The following MNT variants were observed in gnomAD, a reference collection of about 807,000 sequenced individuals.
MNT encodes max-binding protein MNT.
A neutral mutation model predicts 40.7 loss-of-function variants in MNT; 13 were observed. The ratio of observed to expected loss-of-function variants is 0.32; its 90% confidence interval spans 0.21 to 0.51. The LOEUF (loss-of-function observed/expected upper bound fraction) is 0.51. MNT is among the 20% of genes least tolerant of loss of function. MNT has a pLI of 0.98. For synonymous variants in MNT, 426 were observed against 354.8 expected (o/e 1.20, Z -2.26); for missense variants, 757 against 792.0 (o/e 0.96, Z 0.53).
Position 2,386,999 on chromosome 17 carries a change from C to T in MNT, c.1651G>A (p.Val551Met), listed in dbSNP as rs1242318762. The change falls in exon 6 of 6, where the codon GTG (valine) becomes ATG (methionine). Residue 551 changes from valine (V) to methionine (M), a missense_variant. By Grantham distance (21) the Val-to-Met change is conservative. Coordinates refer to ENST00000174618, the MANE Select transcript of MNT (RefSeq NM_020310.3). ...CCCACCAGCTGGGGGTGGTGCACCACCTGAGCCCCCACGGCCGGCTTTGCC... is the reference window on the plus strand; with the variant it reads ...CCCACCAGCTGGGGGTGGTGCACCATCTGAGCCCCCACGGCCGGCTTTGCC... The part of the protein sequence containing the change: ...VMAKPAVGAQ[V>M]VHHPQLVGQT... The T allele has an allele frequency of 2.0e-6, 3 of 1,532,966 alleles. No individual in the cohort carries two copies. The highest frequency in any genetic ancestry group is 3.9e-5 in the Admixed American group (2 of 50,768). 95.0% of individuals were successfully genotyped at this position (1,532,966 alleles called of 1,614,324 possible). A position where few individuals can be genotyped will look rare whatever the true frequency, so the allele number is the denominator to read the frequency against.
intron 1 of MNT, among the ~76,000 whole-genome samples, chr17:2,397,035 G>A (rs1220562117): frequency 6.6e-6 from 1 of 152,212 alleles, no homozygotes; most frequent in East Asian, 1.9e-4. Flanking sequence ...TCCTGCAGAG[G>A]GAAGAGGCCG....
Position 2,384,336 on chromosome 17 carries a change from G to A in MNT, c.*2565C>T, listed in dbSNP as rs1482636591. The A allele has an allele frequency of 1.3e-5, 2 of 152,086 alleles. No homozygotes were observed. The highest frequency in any genetic ancestry group is 4.9e-5 in the African/African-American group (2 of 41,208). The allele number at this position is 152,086 out of a possible 1,614,324, so 9.4% of individuals were successfully genotyped here. On this transcript the variant is annotated 3_prime_UTR_variant, in exon 6 of 6. Coordinates refer to ENST00000174618, the MANE Select transcript of MNT (RefSeq NM_020310.3). ...TTATATTTCAGGAAACAGAGACACA[G>A]TGGCCGAGTCCTCACTGTAAACAAG...
chr17:2,394,415 C>A (rs984659600), intron 2 of MNT, 69 bp from the exon 3 acceptor site: 5 of 1,606,026 alleles, frequency 3.1e-6, no homozygotes, highest in Middle Eastern at 1.7e-4. Flanking sequence ...ACCAGCGCCG[C>A]CACCCGCAAA....
At position 2,386,309 on chromosome 17, in the gene MNT, C is replaced by G. The variant is rs1478746627; in HGVS notation, c.*592G>C. The G allele has an allele frequency of 1.3e-5, 2 of 152,374 alleles. No homozygotes were observed. Among genetic ancestry groups the G allele is most frequent in the Non-Finnish European group, 2.9e-5 (2 of 68,218 alleles). The allele number at this position is 152,374 out of a possible 1,614,324, so 9.4% of individuals were successfully genotyped here. On this transcript the variant is annotated 3_prime_UTR_variant, in exon 6 of 6. Transcript: ENST00000174618. Reference sequence around the variant, plus strand: ...AGTGACTGCAACCGGGTCAGAGAGCCCCAGGCTGAGGCCCCACCTGTCCGG... The same window carrying G: ...AGTGACTGCAACCGGGTCAGAGAGCGCCAGGCTGAGGCCCCACCTGTCCGG...
intron 1 of MNT, among the ~76,000 whole-genome samples, chr17:2,395,662 A>T (rs1025305100): frequency 6.6e-5 from 10 of 152,150 alleles, no homozygotes; most frequent in African/African-American, 2.4e-4. Flanking sequence ...GTTCCCCGCC[A>T]CCAGGGAATA....
chr17:2,393,737 G>A lies in MNT; in HGVS notation c.807+306C>T, dbSNP rs2066546534. 3 of 163,688 alleles carry A rather than the reference G, an allele frequency of 1.8e-5. No homozygotes were observed. The East Asian group carries it at 5.2e-4, about 29-fold the overall frequency. 10.1% of individuals were successfully genotyped at this position (163,688 alleles called of 1,614,324 possible). A position where few individuals can be genotyped will look rare whatever the true frequency, so the allele number is the denominator to read the frequency against. ...CGCGGCTGCACCAACACGCGCGAACGGGAGCCGCCATCGGGACTCGCACCA... is the reference window on the plus strand; with the variant it reads ...CGCGGCTGCACCAACACGCGCGAACAGGAGCCGCCATCGGGACTCGCACCA... On this transcript the variant is annotated intron_variant, in intron 4 of 5. Coordinates refer to ENST00000174618, the MANE Select transcript of MNT (RefSeq NM_020310.3).
intron 3 of MNT, 28 bp downstream of exon 3, chr17:2,394,277 G>GCACGCGCACGCACACACACA: frequency 6.7e-7 from 1 of 1,487,680 alleles, no homozygotes; most frequent in Non-Finnish European, 9.0e-7. Context: ...ACGCACGCAC[G>GCACGCGCACGCACACACACA]CACACACACA....
chr17:2,386,943 G>T lies in MNT; in HGVS notation c.1707C>A (p.Val569=). Residue 569 remains valine (V), a synonymous_variant, in exon 6 of 6, where the codon GTC becomes GTA. Transcript: ENST00000174618. Reference sequence around the variant, plus strand: ...TGCTGACTGGGAAGGAGGGCATGGTGACCATGGTCACAGGGTTGAGCACGG... The same window carrying T: ...TGCTGACTGGGAAGGAGGGCATGGTTACCATGGTCACAGGGTTGAGCACGG... ...GQTVLNPVTM[V]TMPSFPVSTL... The T allele has an allele frequency of 6.7e-7, 1 of 1,498,438 alleles. No homozygotes were observed. The highest frequency in any genetic ancestry group is 2.4e-5 in the East Asian group (1 of 42,374). 92.8% of individuals were successfully genotyped at this position (1,498,438 alleles called of 1,614,324 possible). A position where few individuals can be genotyped will look rare whatever the true frequency, so the allele number is the denominator to read the frequency against.
At position 2,386,952 on chromosome 17, in the gene MNT, C is replaced by T; in HGVS notation, c.1698G>A (p.Val566=). The part of the protein sequence containing the change: ...QLVGQTVLNP[V]TMVTMPSFPV... The stretch of plus-strand genomic sequence containing the variant: ...GGAAGGAGGGCATGGTGACCATGGT[C>T]ACAGGGTTGAGCACGGTCTGGCCCA... Residue 566 remains valine, a synonymous_variant, in exon 6 of 6, where the codon GTG becomes GTA. Coordinates refer to ENST00000174618, the MANE Select transcript of MNT (RefSeq NM_020310.3). The T allele has an allele frequency of 6.6e-7, 1 of 1,505,926 alleles. No homozygotes were observed. Among genetic ancestry groups the T allele is most frequent in the East Asian group, 2.4e-5 (1 of 42,472 alleles). 93.3% of individuals were successfully genotyped at this position (1,505,926 alleles called of 1,614,324 possible).
intron 1 of MNT, among the ~76,000 whole-genome samples, chr17:2,399,855 T>C (rs1388236143): frequency 6.6e-6 from 1 of 152,052 alleles, no homozygotes; most frequent in Non-Finnish European, 1.5e-5. Flanking sequence ...CATTCCACAC[T>C]GGCTAAAGCG....
At chr17:2,393,946 C>CCGCCGGGGCGT in intron 4 of MNT, 97 bp downstream of exon 4, 1 of 745,004 alleles carries the variant, frequency 1.3e-6, no homozygotes, top group Non-Finnish European at 1.9e-6. Context: ...CGCGGGGGAG[C>CCGCCGGGGCGT]CGCCGGGGCG....
rs140618007 is a variant in MNT, at chr17:2,395,898, A to AGG, written c.74-446_74-445dup. Among the ~76,000 whole-genome samples the AGG allele has an allele frequency of 7.4e-4, 113 of 151,856 alleles. 2 individuals carry two copies. The highest frequency in any genetic ancestry group is 5.0e-3 in the East Asian group (26 of 5,154). On this transcript the variant is annotated intron_variant, in intron 1 of 5. Transcript: ENST00000174618. Reference sequence around the variant, plus strand: ...CCAGCCACCCAAGACTTCACACCAGAGGGGGGGGTGTGCTGACAGATCCCA... The same window carrying AGG: ...CCAGCCACCCAAGACTTCACACCAGAGGGGGGGGGGTGTGCTGACAGATCCCA...
At chr17:2,398,443 C>T (rs999373132) in intron 1 of MNT, among the ~76,000 whole-genome samples, 1 of 152,198 alleles carries the variant, frequency 6.6e-6, no homozygotes, top group African/African-American at 2.4e-5. Flanking sequence ...CCCGGGAAAG[C>T]GTTCTGGTCA....
rs965913343 is a variant in MNT, at chr17:2,385,799, G to C, written c.*1102C>G. ...TGGTCTGGGGACAGGCTTAGGGCTT[G>C]GCTAAGCCGCTGGGTTTTTACCTTC... On this transcript the variant is annotated 3_prime_UTR_variant, in exon 6 of 6. Coordinates refer to ENST00000174618, the MANE Select transcript of MNT (RefSeq NM_020310.3). The C allele has an allele frequency of 6.6e-6, 1 of 152,294 alleles. No individual in the cohort carries two copies. The highest frequency in any genetic ancestry group is 1.5e-5 in the Non-Finnish European group (1 of 68,076). The allele number at this position is 152,294 out of a possible 1,614,324, so 9.4% of individuals were successfully genotyped here.
intron 1 of MNT, among the ~76,000 whole-genome samples, chr17:2,399,017 C>T (rs2066595977): frequency 6.6e-6 from 1 of 151,630 alleles, no homozygotes. Flanking sequence ...CTTCCCCCAC[C>T]CCCGCCCGCC....
At position 2,395,319 on chromosome 17, in the gene MNT, G is replaced by C. The variant is rs748869504; in HGVS notation, c.209C>G (p.Pro70Arg). ...MEAPPLPLSP[P>R]APPPAPPPPL... ...TGGTGGGGGTGCCGGCGGGGGAGCC[G>C]GTGGAGACAGAGGCAGGGGTGGCGC... Residue 70 changes from proline (P) to arginine (R), a missense_variant, in exon 2 of 6, where the codon CCG (proline) becomes CGG (arginine). Physicochemically the swap from Pro to Arg is moderately radical, Grantham distance 103. Coordinates refer to ENST00000174618, the MANE Select transcript of MNT (RefSeq NM_020310.3). 1 of 1,606,624 alleles carries C rather than the reference G, an allele frequency of 6.2e-7. No individual in the cohort carries two copies. The highest frequency in any genetic ancestry group is 8.5e-7 in the Non-Finnish European group (1 of 1,176,820).
Position 2,387,107 on chromosome 17 carries a change from C to G in MNT, c.1543G>C (p.Val515Leu), listed in dbSNP as rs780348652. The change falls in exon 6 of 6, where the codon GTG (valine) becomes CTG (leucine). Residue 515 changes from valine to leucine, a missense_variant. Coordinates refer to ENST00000174618, the MANE Select transcript of MNT (RefSeq NM_020310.3). ...GTGTGGGCGATGTGGCTCACTGCCA[C>G]GGGCTGCGGGTACAAGGGCAGCTGG... is the stretch of plus-strand genomic sequence containing the variant. ...GSQLPLYPQPVAVSHIAHTLS... is the reference protein window; with the variant it reads ...GSQLPLYPQPLAVSHIAHTLS... The G allele has an allele frequency of 6.3e-7, 1 of 1,582,252 alleles. No individual in the cohort carries two copies. Among genetic ancestry groups the G allele is most frequent in the Non-Finnish European group, 8.6e-7 (1 of 1,164,974 alleles).
At position 2,395,400 on chromosome 17, in the gene MNT, G is replaced by A. The variant is rs768563139; in HGVS notation, c.128C>T (p.Ala43Val). The A allele has an allele frequency of 1.2e-6, 2 of 1,613,446 alleles. No homozygotes were observed. The highest frequency in any genetic ancestry group is 2.7e-5 in the African/African-American group (2 of 74,830). Residue 43 changes from alanine (A) to valine (V), a missense_variant, in exon 2 of 6, where the codon GCC becomes GTC. By Grantham distance (64) the Ala-to-Val change is moderately conservative (BLOSUM62 0). Around this residue, in one of 4 missense-constraint regions of MNT, gnomAD observed 335 missense variants for 291.4 expected, o/e 1.15. Transcript: ENST00000174618. The part of the protein sequence containing the change: ...EQEREQEQKK[A>V]NSLARLAHTL... The stretch of plus-strand genomic sequence containing the variant: ...ATGTGCCAGCCTGGCCAGGCTATTG[G>A]CCTTCTTCTGTTCCTGCTCTCGCTC...
chr17:2,395,075 C>T lies in MNT; in HGVS notation c.453G>A (p.Pro151=), dbSNP rs372877661. The change falls in exon 2 of 6, where the codon CCG becomes CCA. Residue 151 remains proline (P), a synonymous_variant. Coordinates refer to ENST00000174618, the MANE Select transcript of MNT (RefSeq NM_020310.3). ...PQVPTPAPLL[P]DSKATIPPNG... ...TGGGTGGAATGGTGGCCTTCGAGTC[C>T]GGCAGTAGGGGAGCAGGGGTGGGCA... 1.1e-4 allele frequency: 165 copies of T among 1,535,896 alleles called. No homozygotes were observed. The highest frequency in any genetic ancestry group is 4.8e-4 in the South Asian group (38 of 78,554).
Sources: allele counts gnomAD v4.1 joint callset (sites outside exome capture counted in the v4.1 genomes callset), GRCh38; gene constraint gnomAD v4.1.1; regional missense constraint gnomAD v4.1.1; transcripts MANE v1.5; gene names NCBI Gene and HGNC (gene_info 2026-07-23, HGNC 2026-07-21).